Variants in METTL6 observed in about 807,000 individuals in gnomAD.
METTL6 encodes tRNA N(3)-cytidine methyltransferase METTL6.
A neutral mutation model predicts 26.4 loss-of-function variants in METTL6; 22 were observed. That is an observed-to-expected ratio of 0.83 (90% CI 0.59 to 1.19). METTL6 has a LOEUF of 1.19. METTL6 is among the 50% of genes most tolerant of loss of function. The pLI, the probability that METTL6 is intolerant of heterozygous loss-of-function variation, is 0.00. For missense variants in METTL6, 304 were observed against 324.8 expected (o/e 0.94, Z 0.49); for synonymous variants, 109 against 116.2 (o/e 0.94, Z 0.40).
At chr3:15,397,613 G>C (rs1165229520) in intron 6 of METTL6, among the ~76,000 whole-genome samples, 2 of 152,100 alleles carry the variant, frequency 1.3e-5, no homozygotes, top group Admixed American at 1.3e-4. Context: ...GTTCCTATTC[G>C]GCCATCTTCA....
At chr3:15,427,158 G>T (rs1441599120) in intron 1 of METTL6, among the ~76,000 whole-genome samples, 3 of 152,204 alleles carry the variant, frequency 2.0e-5, no homozygotes, top group Non-Finnish European at 4.4e-5. Flanking sequence ...TCACTTTGCA[G>T]GGACTGAGAC....
At chr3:15,393,259 T>C (rs1699397777) in intron 6 of METTL6, among the ~76,000 whole-genome samples, 1 of 152,240 alleles carries the variant, frequency 6.6e-6, no homozygotes, top group Admixed American at 6.5e-5. Context: ...TTTGAAGCAA[T>C]TGTGAATGGG....
chr3:15,391,066 G>T (rs1055464979), intron 6 of METTL6, among the ~76,000 whole-genome samples: 1 of 152,200 alleles, frequency 6.6e-6, no homozygotes, highest in Non-Finnish European at 1.5e-5. Context: ...CTCCAAAGCC[G>T]CATCATCTGA....
At chr3:15,419,874 T>C (rs182145869) in intron 3 of METTL6, among the ~76,000 whole-genome samples, 1 of 151,066 alleles carries the variant, frequency 6.6e-6, no homozygotes, top group East Asian at 1.9e-4. Context: ...TTTTTTTTTT[T>C]TTTTTGAGAC....
Position 15,411,133 on chromosome 3 carries a change from G to A in METTL6, c.*123C>T. The A allele has an allele frequency of 9.3e-7, 1 of 1,074,656 alleles. No individual in the cohort carries two copies. The highest frequency in any genetic ancestry group is 2.6e-5 in the East Asian group (1 of 38,448). The allele number at this position is 1,074,656 out of a possible 1,614,324, so 66.6% of individuals were successfully genotyped here. A position where few individuals can be genotyped will look rare whatever the true frequency, so the allele number is the denominator to read the frequency against. ...TGGTCTCAAACTCCTGACCTCAGAT[G>A]ATCCCCCAACCTCGGCCTCCCGAAG... is the stretch of plus-strand genomic sequence containing the variant. On this transcript the variant is annotated 3_prime_UTR_variant, in exon 6 of 6. Transcript: ENST00000383790.
At chr3:15,408,311 T>C (rs114241331), downstream of METTL6, among the ~76,000 whole-genome samples, 4,169 of 152,214 alleles carry the variant, frequency 0.027, 172 homozygotes, top group African/African-American at 0.094. Context: ...TAAATACTTA[T>C]GATTTGTGCA....
intron 6 of METTL6, among the ~76,000 whole-genome samples, chr3:15,389,359 A>T (rs975978851): frequency 4.6e-5 from 7 of 152,164 alleles, no homozygotes; most frequent in African/African-American, 1.7e-4. Context: ...TAGATGAGAA[A>T]GCATGAAGCA....
chr3:15,409,213 T>C (rs1349820861), downstream of METTL6, among the ~76,000 whole-genome samples: 1 of 152,146 alleles, frequency 6.6e-6, no homozygotes, highest in Non-Finnish European at 1.5e-5. Flanking sequence ...CTATGACTAT[T>C]ATCCAACCCC....
upstream of METTL6, chr3:15,427,576 A>T: frequency 1.8e-6 from 1 of 568,192 alleles, no homozygotes; most frequent in Non-Finnish European, 3.1e-6. Flanking sequence ...CGGAAGTCCC[A>T]CGGCCTTGCC....
At chr3:15,388,417 TGA>T (rs1699255592) in intron 6 of METTL6, among the ~76,000 whole-genome samples, 1 of 152,074 alleles carries the variant, frequency 6.6e-6, no homozygotes. Flanking sequence ...GGCCAGGAAA[TGA>T]GAGTTTTTAA....
intron 5 of METTL6, chr3:15,413,672 A>G: frequency 9.9e-6 from 12 of 1,211,908 alleles, no homozygotes; most frequent in Non-Finnish European, 1.3e-5. Flanking sequence ...AAGGCATTAT[A>G]CTGTCAAATT....
chr3:15,417,754 T>C (rs1326294944), intron 3 of METTL6, among the ~76,000 whole-genome samples: 2 of 152,104 alleles, frequency 1.3e-5, no homozygotes, highest in African/African-American at 4.8e-5. Flanking sequence ...CTCATTCAAT[T>C]TACTGTGTTT....
At chr3:15,421,424 T>A (rs1360949969) in intron 3 of METTL6, among the ~76,000 whole-genome samples, 2 of 152,166 alleles carry the variant, frequency 1.3e-5, no homozygotes, top group Non-Finnish European at 2.9e-5. Context: ...GTTTCTCAGT[T>A]TCCTACAGTA....
At chr3:15,399,953 A>G (rs1188251583) in intron 6 of METTL6, among the ~76,000 whole-genome samples, 2 of 152,190 alleles carry the variant, frequency 1.3e-5, no homozygotes, top group African/African-American at 4.8e-5. Flanking sequence ...AAATTTATGA[A>G]AGAATTTTGT....
chr3:15,385,214 T>C (rs563714475), intron 6 of METTL6, among the ~76,000 whole-genome samples: 2 of 152,376 alleles, frequency 1.3e-5, no homozygotes, highest in East Asian at 3.9e-4. Flanking sequence ...ATTATCTTCA[T>C]GTTCCTGGAA....
exon 7 of METTL6, chr3:15,382,376 A>G (rs1465518354): frequency 6.6e-6 from 1 of 152,270 alleles, no homozygotes; most frequent in Non-Finnish European, 1.5e-5. Flanking sequence ...CCAATTGTTT[A>G]AAGATGACAG....
chr3:15,397,289 C>T (rs112360873), intron 6 of METTL6, among the ~76,000 whole-genome samples: 83 of 152,326 alleles, frequency 5.4e-4, no homozygotes, highest in African/African-American at 1.5e-3. Flanking sequence ...GAGCCAGGCA[C>T]GGGATATAAT....
chr3:15,392,497 T>C (rs1699377389), intron 6 of METTL6, among the ~76,000 whole-genome samples: 1 of 152,218 alleles, frequency 6.6e-6, no homozygotes, highest in Non-Finnish European at 1.5e-5. Context: ...GCTCTTTAGA[T>C]TAATTAGATC....
intron 6 of METTL6, among the ~76,000 whole-genome samples, chr3:15,392,244 G>A (rs529022950): frequency 8.8e-4 from 134 of 152,306 alleles, no homozygotes; most frequent in Non-Finnish European, 1.6e-3. Flanking sequence ...TTTCTCTGAT[G>A]GCCAGTGATG....
Sources: gnomAD v4.1 joint callset for allele counts (sites outside exome capture counted in the v4.1 genomes callset) on GRCh38, gnomAD v4.1.1 for gene constraint, MANE v1.5 for transcripts, NCBI Gene and HGNC (gene_info 2026-07-23, HGNC 2026-07-21) for gene names.